The following OPTN variants were observed in gnomAD, a reference collection of about 807,000 sequenced individuals.
The protein encoded by OPTN is optineurin.
A neutral mutation model predicts 70.4 loss-of-function variants in OPTN; 54 were observed. The ratio of observed to expected loss-of-function variants is 0.77; its 90% CI spans 0.62 to 0.96. The LOEUF (loss-of-function observed/expected upper bound fraction) is 0.96. Among genes scored for constraint, OPTN ranks in the 40% least tolerant of loss-of-function variants. The pLI, the probability that OPTN is intolerant of heterozygous loss-of-function variation, is 0.00. For missense variants in OPTN, 624 were observed against 673.2 expected (o/e 0.93, Z 0.81); for synonymous variants, 256 against 248.5 (o/e 1.03, Z -0.28).
At chr10:13,125,702 C>A in intron 10 of OPTN, 135 bp downstream of exon 10, 1 of 1,021,142 alleles carries the variant, frequency 9.8e-7, no homozygotes, top group Non-Finnish European at 1.5e-6. Context: ...TCCTAGCAGA[C>A]CTCTCAGAGA....
Position 13,127,856 on chromosome 10 carries a change from G to A in OPTN, c.1354G>A (p.Ala452Thr). The change falls in exon 12 of 15, where the codon GCC (alanine) becomes ACC (threonine). Residue 452 changes from alanine (A) to threonine (T), a missense_variant. Ala to Thr is a moderately conservative substitution (Grantham distance 58). Transcript: ENST00000378747. ...LQMDEMKQTIAKQEEDLETMT... is the reference protein window; with the variant it reads ...LQMDEMKQTITKQEEDLETMT... ...AATGGATGAAATGAAGCAAACCATT[G>A]CCAAGCAGGAAGAGGACCTGGAAAC... 6.2e-7 allele frequency: 1 copy of A among 1,614,106 alleles called. No individual in the cohort carries two copies. The highest frequency in any genetic ancestry group is 8.5e-7 in the Non-Finnish European group (1 of 1,180,022).
intron 3 of OPTN, 105 bp downstream of exon 3, chr10:13,109,393 T>C (rs1402175077): frequency 1.6e-5 from 19 of 1,176,030 alleles, no homozygotes; most frequent in East Asian, 4.9e-5. Context: ...CCCGTTTCCA[T>C]AGGTGGTAGC....
intron 1 of OPTN, among the ~76,000 whole-genome samples, chr10:13,101,447 C>T (rs1832745277): frequency 8.2e-6 from 1 of 121,828 alleles, no homozygotes; most frequent in Non-Finnish European, 1.6e-5. Flanking sequence ...TCGAGGGCAA[C>T]TGGACACTGT....
At position 13,112,622 on chromosome 10, in the gene OPTN, A is replaced by C; in HGVS notation, c.539A>C (p.Glu180Ala). Reference protein sequence around the residue: ...SSGSSEDSFVEIRMAEGEAEG... With the variant: ...SSGSSEDSFVAIRMAEGEAEG... The stretch of plus-strand genomic sequence containing the variant: ...GGCTCCTCAGAAGATTCCTTTGTTG[A>C]AATTAGGATGGCTGTGAGTTTTTGG... Residue 180 changes from glutamate (E) to alanine (A), a missense_variant, in exon 5 of 15, where the codon GAA becomes GCA. Physicochemically the swap from Glu to Ala is moderately radical, Grantham distance 107. Coordinates refer to ENST00000378747, the MANE Select transcript of OPTN (RefSeq NM_001008212.2). The C allele has an allele frequency of 6.2e-7, 1 of 1,614,144 alleles. No individual in the cohort carries two copies. The highest frequency in any genetic ancestry group is 8.5e-7 in the Non-Finnish European group (1 of 1,180,016).
chr10:13,112,746 C>T (rs1833036657), intron 5 of OPTN, 111 bp downstream of exon 5: 4 of 1,082,696 alleles, frequency 3.7e-6, no homozygotes, highest in Admixed American at 1.8e-5. Context: ...GAGGAAATTC[C>T]AGTGTAGCAA....
At chr10:13,116,529 CTGTT>C (rs1588441523) in intron 6 of OPTN, 189 bp downstream of exon 6, 3 of 653,016 alleles carry the variant, frequency 4.6e-6, no homozygotes, top group Middle Eastern at 3.8e-4. Flanking sequence ...AGATTAAAAA[CTGTT>C]TGGTTCCTGT....
At position 13,103,912 on chromosome 10, in the gene OPTN, A is replaced by G. The variant is rs183638268; in HGVS notation, c.-164+3610A>G. Among the ~76,000 whole-genome samples, 99 of 152,346 alleles carry G rather than the reference A, an allele frequency of 6.5e-4. 2 individuals carry two copies. The highest frequency in any genetic ancestry group is 2.8e-3 in the Admixed American group (43 of 15,310). Reference sequence around the variant, plus strand: ...AATTAATTCATCCTTCCATCATTAAATATCACTTTTGCCTAGAAATAACAT... The same window carrying G: ...AATTAATTCATCCTTCCATCATTAAGTATCACTTTTGCCTAGAAATAACAT... On this transcript the variant is annotated intron_variant, in intron 1 of 14. Coordinates refer to ENST00000378747, the MANE Select transcript of OPTN (RefSeq NM_001008212.2).
intron 10 of OPTN, 144 bp from the exon 11 acceptor site, chr10:13,125,802 A>G: frequency 1.3e-6 from 1 of 764,228 alleles, no homozygotes; most frequent in East Asian, 2.7e-5. Flanking sequence ...TTTTTTTGAG[A>G]GTAAGAAATG....
intron 12 of OPTN, among the ~76,000 whole-genome samples, chr10:13,129,439 A>G (rs929405422): frequency 6.7e-6 from 1 of 148,532 alleles, no homozygotes; most frequent in Non-Finnish European, 1.5e-5. Context: ...TGCAACCTCC[A>G]CCTCCCGGGT....
intron 8 of OPTN, chr10:13,123,016 A>T (rs1833385034): frequency 6.0e-6 from 1 of 167,048 alleles, no homozygotes; most frequent in Non-Finnish European, 1.3e-5. Flanking sequence ...ACGATTTCCT[A>T]TGTCTCTTCT....
intron 5 of OPTN, among the ~76,000 whole-genome samples, chr10:13,114,488 C>T (rs1454426150): frequency 6.6e-6 from 1 of 151,760 alleles, no homozygotes. Flanking sequence ...CTTCAGGGTG[C>T]ATGGTTAGCA....
At chr10:13,126,339 G>C (rs1833462007) in intron 11 of OPTN, among the ~76,000 whole-genome samples, 1 of 148,844 alleles carries the variant, frequency 6.7e-6, no homozygotes, top group East Asian at 2.0e-4. Flanking sequence ...GGAGTGCAGT[G>C]GCGCGATCTC....
chr10:13,108,925 CTTTTCTGAAGCT>C, intron 2 of OPTN, 175 bp from the exon 3 acceptor site: 2 of 647,176 alleles, frequency 3.1e-6, no homozygotes, highest in Admixed American at 2.2e-5. Flanking sequence ...CACACACACA[CTTTTCTGAAGCT>C]ACATATACCT....
At chr10:13,113,434 G>A (rs1346998416) in intron 5 of OPTN, among the ~76,000 whole-genome samples, 1 of 152,222 alleles carries the variant, frequency 6.6e-6, no homozygotes, top group Non-Finnish European at 1.5e-5. Context: ...TTGAGGGAGT[G>A]TCCTGGCTTT....
chr10:13,134,975 A>G (rs1236784990), intron 14 of OPTN, among the ~76,000 whole-genome samples: 2 of 152,332 alleles, frequency 1.3e-5, no homozygotes, highest in African/African-American at 2.4e-5. Flanking sequence ...CTTCTCTGGC[A>G]ATGGGGTGAT....
chr10:13,135,805 C>T (rs868065635), intron 14 of OPTN, among the ~76,000 whole-genome samples: 1 of 152,176 alleles, frequency 6.6e-6, no homozygotes, highest in Non-Finnish European at 1.5e-5. Context: ...CCCTTTTCTT[C>T]TCGCAGATAT....
At position 13,132,118 on chromosome 10, in the gene OPTN, A is replaced by G. The variant is rs1386009646; in HGVS notation, c.1453A>G (p.Ile485Val). The G allele has an allele frequency of 1.2e-6, 2 of 1,613,680 alleles. No homozygotes were observed. The highest frequency in any genetic ancestry group is 2.2e-5 in the South Asian group (2 of 91,080). Residue 485 changes from isoleucine (I) to valine (V), a missense_variant, in exon 13 of 15, where the codon ATT (isoleucine) becomes GTT (valine). Ile to Val is a conservative substitution (Grantham distance 29). Coordinates refer to ENST00000378747, the MANE Select transcript of OPTN (RefSeq NM_001008212.2). ...TGCTGAAAGAGCAGCGAGAGAGAAAATTCATGAGGAAAAGGAGCAACTGGC... is the reference window on the plus strand; with the variant it reads ...TGCTGAAAGAGCAGCGAGAGAGAAAGTTCATGAGGAAAAGGAGCAACTGGC... The part of the protein sequence containing the change: ...FHAERAAREK[I>V]HEEKEQLALQ...
At position 13,118,956 on chromosome 10, in the gene OPTN, C is replaced by G. The variant is rs1833281185; in HGVS notation, c.695C>G (p.Thr232Ser). ...AATTACTTCGAACATGAGGAGTTAA[C>G]TGTGAGCCAGCTCCTGCTGTGCCTA... Reference protein sequence around the residue: ...AKNYFEHEELTVSQLLLCLRE... With the variant: ...AKNYFEHEELSVSQLLLCLRE... Residue 232 changes from threonine (T) to serine (S), a missense_variant, in exon 7 of 15, where the codon ACT becomes AGT. Transcript: ENST00000378747. The G allele has an allele frequency of 6.2e-7, 1 of 1,614,052 alleles. No homozygotes were observed. The highest frequency in any genetic ancestry group is 8.5e-7 in the Non-Finnish European group (1 of 1,179,922).
At chr10:13,127,605 C>T (rs1399719230) in intron 11 of OPTN, 140 bp from the exon 12 acceptor site, 1 of 887,010 alleles carries the variant, frequency 1.1e-6, no homozygotes, top group Non-Finnish European at 1.8e-6. Flanking sequence ...GATCCTCCCA[C>T]CTCAGCCTCT....
Sources: gnomAD v4.1 joint callset for allele counts (sites outside exome capture counted in the v4.1 genomes callset) on GRCh38, gnomAD v4.1.1 for gene constraint, MANE v1.5 for transcripts, NCBI Gene and HGNC (gene_info 2026-07-23, HGNC 2026-07-21) for gene names.